The following DYNC2H1 variants were observed in gnomAD, a reference collection of about 807,000 sequenced individuals.
DYNC2H1 encodes dynein cytoplasmic 2 heavy chain 1.
In DYNC2H1, 410 loss-of-function variants were observed where a neutral mutation model predicts 570.0. The observed-to-expected ratio is 0.72, with a 90% CI of 0.66 to 0.78. The LOEUF (loss-of-function observed/expected upper bound fraction) is 0.78. Among genes scored for constraint, DYNC2H1 ranks in the 30% least tolerant of loss-of-function variants. DYNC2H1 has a pLI of 0.00. For missense variants in DYNC2H1, 4,865 were observed against 5,046.4 expected, an observed-to-expected ratio of 0.96 and a Z score of 1.09; for synonymous variants, 1,688 against 1,677.6, an observed-to-expected ratio of 1.01 and a Z score of -0.15.
chr11:103,458,884 C>G (rs1944891898), intron 87 of DYNC2H1, among the ~76,000 whole-genome samples: 1 of 152,102 alleles, frequency 6.6e-6, no homozygotes, highest in Admixed American at 6.5e-5. Flanking sequence ...AAACTTCAAG[C>G]TGGTCTCAAA....
At chr11:103,300,410 A>G (rs1012989133) in intron 75 of DYNC2H1, among the ~76,000 whole-genome samples, 19 of 152,054 alleles carry the variant, frequency 1.2e-4, no homozygotes, top group African/African-American at 3.9e-4. Context: ...CTCTCTAACT[A>G]TATTAAATAG....
intron 83 of DYNC2H1, among the ~76,000 whole-genome samples, chr11:103,393,270 C>T (rs117682901): frequency 0.019 from 2,868 of 152,318 alleles, 52 homozygotes; most frequent in Non-Finnish European, 0.028. Flanking sequence ...AGCTATTCTT[C>T]CTCTTAAATA....
intron 47 of DYNC2H1, among the ~76,000 whole-genome samples, chr11:103,196,440 C>A (rs146191301): frequency 4.8e-4 from 73 of 152,184 alleles, no homozygotes; most frequent in African/African-American, 1.6e-3. Context: ...AACACAGGTG[C>A]TCAATAGGTA....
intron 57 of DYNC2H1, among the ~76,000 whole-genome samples, chr11:103,221,702 A>G (rs1863594370): frequency 6.6e-6 from 1 of 152,120 alleles, no homozygotes; most frequent in South Asian, 2.1e-4. Context: ...CCAAAAATAC[A>G]AAAATTAGCC....
intron 83 of DYNC2H1, among the ~76,000 whole-genome samples, chr11:103,376,363 C>T (rs575180570): frequency 6.6e-6 from 1 of 152,262 alleles, no homozygotes; most frequent in Admixed American, 6.5e-5. Flanking sequence ...TAAATGTTTT[C>T]TGGTTGTTTT....
Position 103,472,474 on chromosome 11 carries a change from G to A in DYNC2H1, c.12765+3769G>A, listed in dbSNP as rs1945419715. Among the ~76,000 whole-genome samples the A allele has an allele frequency of 6.6e-6, 1 of 152,176 alleles. No homozygotes were observed. Among genetic ancestry groups the A allele is most frequent in the Non-Finnish European group, 1.5e-5 (1 of 68,036 alleles). On this transcript the variant is annotated intron_variant, in intron 88 of 88. Transcript: ENST00000375735. This position sits in a 1 kb window ranked among gnomAD's most constrained non-coding sequence, Gnocchi z 4.1. ...TCTAGCAGTGAGTGGTTGGATAATA[G>A]ATTGGCACACTGTGAGATACAATTA...
intron 82 of DYNC2H1, among the ~76,000 whole-genome samples, chr11:103,353,786 T>C (rs1478454837): frequency 3.9e-5 from 6 of 152,156 alleles, no homozygotes; most frequent in African/African-American, 7.2e-5. Context: ...TATAAACATA[T>C]TTTTAGCTGT....
Position 103,319,730 on chromosome 11 carries a change from T to C in DYNC2H1, c.11726-1299T>C, listed in dbSNP as rs1938064058. On this transcript the variant is annotated intron_variant, in intron 80 of 88. Transcript: ENST00000375735. This position sits in a 1 kb window ranked among gnomAD's most constrained non-coding sequence, Gnocchi z 4.3. ...TTCACATAATGGCTGCTGTTTCTGT[T>C]TTATAAGTTGAAAGATACACTAATA... Among the ~76,000 whole-genome samples the C allele has an allele frequency of 6.6e-6, 1 of 152,182 alleles. No individual in the cohort carries two copies. The highest frequency in any genetic ancestry group is 2.1e-4 in the South Asian group (1 of 4,826).
intron 5 of DYNC2H1, among the ~76,000 whole-genome samples, chr11:103,117,383 T>C (rs961751319): frequency 1.4e-4 from 21 of 151,324 alleles, no homozygotes; most frequent in South Asian, 1.0e-3. Flanking sequence ...CATATGTATT[T>C]CTATACTTAA....
chr11:103,404,008 T>A (rs1281879804), intron 84 of DYNC2H1: 4 of 151,876 alleles, frequency 2.6e-5, no homozygotes, highest in Admixed American at 6.6e-5. Flanking sequence ...ATCTATGCTG[T>A]TAGTATGAAT....
chr11:103,456,964 T>C (rs1027937574), intron 87 of DYNC2H1, among the ~76,000 whole-genome samples: 6 of 152,238 alleles, frequency 3.9e-5, no homozygotes, highest in Admixed American at 2.0e-4. Flanking sequence ...ATCCCCAAGA[T>C]AGTTCATTTG....
chr11:103,109,885 C>G (rs1420186550), intron 1 of DYNC2H1, 116 bp downstream of exon 1: 1 of 1,084,896 alleles, frequency 9.2e-7, no homozygotes, highest in Non-Finnish European at 1.3e-6. Context: ...TTTCAGGAAC[C>G]CAAGGCTGTC....
chr11:103,114,779 T>C (rs577725274), intron 3 of DYNC2H1, among the ~76,000 whole-genome samples: 4 of 152,322 alleles, frequency 2.6e-5, no homozygotes, highest in Admixed American at 1.3e-4. Context: ...TTTGTGTATA[T>C]TGTTGATTCA....
chr11:103,449,547 A>G (rs1355526288), intron 85 of DYNC2H1, among the ~76,000 whole-genome samples: 1 of 152,236 alleles, frequency 6.6e-6, no homozygotes, highest in African/African-American at 2.4e-5. Flanking sequence ...GAATTGTCTT[A>G]CACTCAACCA....
rs954205987 is a variant in DYNC2H1, at chr11:103,204,396, T to G, written c.8312-426T>G. ...TGGAATATTTACCTTGCCTCCTTTG[T>G]TTCATGTGGTGAAATTAGTGCTGCT... is the stretch of plus-strand genomic sequence containing the variant. On this transcript the variant is annotated intron_variant, in intron 51 of 88. Transcript: ENST00000375735. The surrounding 1 kb of genome is among the most constrained non-coding windows in gnomAD (Gnocchi z 4.1). Among the ~76,000 whole-genome samples, 3 of 152,186 alleles carry G rather than the reference T, an allele frequency of 2.0e-5. No individual in the cohort carries two copies. Among genetic ancestry groups the G allele is most frequent in the African/African-American group, 7.2e-5 (3 of 41,444 alleles).
At chr11:103,191,780 G>A (rs1022020208) in intron 46 of DYNC2H1, among the ~76,000 whole-genome samples, 161 bp downstream of exon 46, 12 of 151,688 alleles carry the variant, frequency 7.9e-5, no homozygotes, top group Non-Finnish European at 1.6e-4. Context: ...CTTCCAAACT[G>A]TGTATGATTG....
At chr11:103,376,864 G>T (rs1443942612) in intron 83 of DYNC2H1, among the ~76,000 whole-genome samples, 3 of 152,136 alleles carry the variant, frequency 2.0e-5, no homozygotes, top group Non-Finnish European at 2.9e-5. Flanking sequence ...ATCTGGTAAG[G>T]TCTTTATTTC....
At chr11:103,373,133 C>T (rs540315015) in intron 83 of DYNC2H1, among the ~76,000 whole-genome samples, 1 of 152,180 alleles carries the variant, frequency 6.6e-6, no homozygotes, top group East Asian at 1.9e-4. Context: ...TAGGGTTTTT[C>T]CATGTTGTCC....
At chr11:103,348,636 C>G (rs553290345) in intron 82 of DYNC2H1, among the ~76,000 whole-genome samples, 1 of 152,152 alleles carries the variant, frequency 6.6e-6, no homozygotes, top group East Asian at 1.9e-4. Context: ...GGAGCTTTTC[C>G]TTTTTATTGC....
Sources: gnomAD v4.1 joint callset for allele counts (sites outside exome capture counted in the v4.1 genomes callset) on GRCh38, gnomAD v4.1.1 for gene constraint, Gnocchi (gnomAD v3.1) non-coding constraint, MANE v1.5 for transcripts, NCBI Gene and HGNC (gene_info 2026-07-23, HGNC 2026-07-21) for gene names.